SGCD: variants seen among roughly 807,000 people sequenced by gnomAD.
The protein encoded by SGCD is delta-sarcoglycan.
Under a neutral mutation model 36.6 loss-of-function variants are expected in SGCD, and 18 were observed. That is an observed-to-expected ratio of 0.49 (90% CI 0.34 to 0.73). The LOEUF (loss-of-function observed/expected upper bound fraction) is 0.73, where lower values mean the gene tolerates loss of function less well. Among genes scored for constraint, SGCD ranks in the 30% least tolerant of loss-of-function variants. SGCD has a pLI of 0.01. For synonymous variants in SGCD, 133 were observed against 130.6 expected (o/e 1.02, Z -0.12); for missense variants, 387 against 346.7 (o/e 1.12, Z -0.92).
chr5:155,808,413 G>T, the SGCD span, among the ~76,000 whole-genome samples: 3 of 152,120 alleles, frequency 2.0e-5, no homozygotes, highest in East Asian at 5.8e-4. Flanking sequence ...ACCCTTGTTG[G>T]CAGACTGGGA....
At chr5:156,280,916 C>G (rs1458965312) in intron 3 of SGCD, among the ~76,000 whole-genome samples, 1 of 152,086 alleles carries the variant, frequency 6.6e-6, no homozygotes, top group African/African-American at 2.4e-5. Flanking sequence ...TAGAGCAAAC[C>G]CATAGAGCAA....
intron 3 of SGCD, among the ~76,000 whole-genome samples, chr5:156,127,871 A>C (rs1444239055): frequency 2.7e-5 from 4 of 149,344 alleles, no homozygotes; most frequent in Non-Finnish European, 6.0e-5. Context: ...AAAAAAAAAA[A>C]AAAAAAAAAC....
intron 3 of SGCD, among the ~76,000 whole-genome samples, chr5:156,209,213 G>A (rs1303804262): frequency 6.6e-6 from 1 of 152,118 alleles, no homozygotes; most frequent in African/African-American, 2.4e-5. Context: ...AGAGGACTTG[G>A]TCTCTGTGTT....
At chr5:155,913,609 T>C (rs991743964) in intron 1 of SGCD, among the ~76,000 whole-genome samples, 5 of 152,184 alleles carry the variant, frequency 3.3e-5, no homozygotes, top group Non-Finnish European at 5.9e-5. Context: ...AATTGCTTTA[T>C]ATTTCTAGTT....
chr5:155,791,250 G>A, the SGCD span, among the ~76,000 whole-genome samples: 1 of 152,056 alleles, frequency 6.6e-6, no homozygotes, highest in South Asian at 2.1e-4. Context: ...TGAACTTAAG[G>A]TGGTCTCATG....
intron 4 of SGCD, among the ~76,000 whole-genome samples, chr5:156,551,493 G>A (rs567453987): frequency 1.1e-4 from 16 of 152,154 alleles, no homozygotes; most frequent in South Asian, 6.2e-4. Flanking sequence ...GTGTGTTCAC[G>A]GGAACAGGGC....
chr5:156,723,976 G>T (rs1049193082), intron 7 of SGCD, among the ~76,000 whole-genome samples: 1 of 152,166 alleles, frequency 6.6e-6, no homozygotes, highest in Non-Finnish European at 1.5e-5. Flanking sequence ...TGAAAATAGA[G>T]TTAGGAAATT....
At position 156,126,327 on chromosome 5, in the gene SGCD, G is replaced by A. The variant is rs187552875; in HGVS notation, c.-44+2308G>A. Among the ~76,000 whole-genome samples, 288 of 152,282 alleles carry A rather than the reference G, an allele frequency of 1.9e-3. 1 individual carries two copies. The highest frequency in any genetic ancestry group is 6.5e-3 in the African/African-American group (272 of 41,558). ...AGAGTATCGAACTTTAATTCAGAAT[G>A]TCTGTTCTGTCAAGAATATTCACTT... is the stretch of plus-strand genomic sequence containing the variant. On this transcript the variant is annotated intron_variant, in intron 3 of 9. Coordinates refer to the SGCD transcript ENST00000517913.
intron 7 of SGCD, among the ~76,000 whole-genome samples, chr5:156,658,262 TCGGGCTGGGGGA>T (rs1276889076): frequency 6.4e-5 from 1 of 15,668 alleles, no homozygotes. Flanking sequence ...TTTACAGGTG[TCGGGCTGGGGGA>T]CGGTCAGGTC....
intron 1 of SGCD, among the ~76,000 whole-genome samples, chr5:156,018,278 T>C (rs1759027495): frequency 6.6e-6 from 1 of 152,206 alleles, no homozygotes; most frequent in South Asian, 2.1e-4. Context: ...TGGGAGTGTC[T>C]TTAGTACTCC....
At chr5:155,885,788 C>T (rs1218758217) in intron 1 of SGCD, among the ~76,000 whole-genome samples, 1 of 152,124 alleles carries the variant, frequency 6.6e-6, no homozygotes, top group Non-Finnish European at 1.5e-5. Flanking sequence ...AATCTTCAAA[C>T]CATGTATTCC....
chr5:156,339,118 CTATT>C (rs1240118208), intron 2 of SGCD, among the ~76,000 whole-genome samples: 2 of 152,094 alleles, frequency 1.3e-5, no homozygotes, highest in Non-Finnish European at 2.9e-5. Context: ...TATTTGACCA[CTATT>C]TAATTAATTA....
intron 3 of SGCD, among the ~76,000 whole-genome samples, chr5:156,231,599 G>A (rs1487069353): frequency 2.0e-5 from 3 of 152,156 alleles, no homozygotes; most frequent in Non-Finnish European, 4.4e-5. Flanking sequence ...TCCTGGAAAA[G>A]TGTATTCGAT....
chr5:156,593,772 C>T (rs905254501), intron 5 of SGCD, among the ~76,000 whole-genome samples: 7 of 152,102 alleles, frequency 4.6e-5, no homozygotes, highest in African/African-American at 1.7e-4. Context: ...CAGGTGTGTT[C>T]CTAGTGGTCT....
intron 7 of SGCD, among the ~76,000 whole-genome samples, chr5:156,735,763 C>G (rs533999691): frequency 3.8e-4 from 58 of 152,256 alleles, no homozygotes; most frequent in African/African-American, 1.4e-3. Flanking sequence ...GATTCAGCCA[C>G]TTTCCTAGGG....
intron 7 of SGCD, among the ~76,000 whole-genome samples, chr5:156,668,036 T>C (rs554275764): frequency 6.6e-6 from 1 of 152,338 alleles, no homozygotes; most frequent in African/African-American, 2.4e-5. Flanking sequence ...ATCAGATCCA[T>C]TGAACTATGT....
At position 156,125,616 on chromosome 5, in the gene SGCD, A is replaced by G. The variant is rs530121378; in HGVS notation, c.-44+1597A>G. ...ACTTTGTCTTTTTTTTACAAAGTAG[A>G]TTAATTATTTTTCTCTTTTTGACAT... is the stretch of plus-strand genomic sequence containing the variant. On this transcript the variant is annotated intron_variant, in intron 3 of 9. Coordinates refer to the SGCD transcript ENST00000517913. Among the ~76,000 whole-genome samples the G allele has an allele frequency of 1.9e-3, 288 of 152,046 alleles. 1 individual carries two copies. The highest frequency in any genetic ancestry group is 6.6e-3 in the African/African-American group (272 of 41,460).
At chr5:156,707,336 C>A (rs1754786745) in intron 7 of SGCD, among the ~76,000 whole-genome samples, 1 of 152,140 alleles carries the variant, frequency 6.6e-6, no homozygotes, top group Admixed American at 6.6e-5. Flanking sequence ...AAAGTTATCT[C>A]TTTAGACTGA....
intron 3 of SGCD, among the ~76,000 whole-genome samples, chr5:156,249,101 C>T (rs1765511685): frequency 6.6e-6 from 1 of 152,146 alleles, no homozygotes; most frequent in Non-Finnish European, 1.5e-5. Context: ...AAGGACAGAA[C>T]TTCTGGATGC....
Sources: allele counts gnomAD v4.1 joint callset (sites outside exome capture counted in the v4.1 genomes callset), GRCh38; gene constraint gnomAD v4.1.1; transcripts MANE v1.5; gene names NCBI Gene and HGNC (gene_info 2026-07-23, HGNC 2026-07-21).